Variants in HACD3 observed in about 807,000 individuals in gnomAD.
HACD3 encodes the protein 3-hydroxyacyl-CoA dehydratase 3.
Under a neutral mutation model 55.2 loss-of-function variants are expected in HACD3, and 30 were observed. The observed-to-expected ratio is 0.54, with a 90% CI of 0.41 to 0.74. HACD3 has a LOEUF of 0.74. HACD3 is among the 30% of genes least tolerant of loss of function. The pLI is 0.00. For missense variants in HACD3, 363 were observed against 440.1 expected, an observed-to-expected ratio of 0.82 and a Z score of 1.57; for synonymous variants, 141 against 151.7, an observed-to-expected ratio of 0.93 and a Z score of 0.52.
chr15:65,530,935 G>T (rs1183828103), intron 1 of HACD3: 2 of 520,880 alleles, frequency 3.8e-6, no homozygotes, highest in African/African-American at 2.0e-5. Flanking sequence ...GGAACCTTCG[G>T]GTCCCCAGAG....
intron 1 of HACD3, among the ~76,000 whole-genome samples, chr15:65,539,742 T>C (rs909962471): frequency 6.6e-6 from 1 of 152,160 alleles, no homozygotes; most frequent in Non-Finnish European, 1.5e-5. Flanking sequence ...TAAATTGTGG[T>C]ATATTTATAC....
At chr15:65,555,998 T>C (rs370005334) in intron 3 of HACD3, among the ~76,000 whole-genome samples, 2 of 152,282 alleles carry the variant, frequency 1.3e-5, no homozygotes, top group Admixed American at 1.3e-4. Context: ...TATCCTGATA[T>C]CCTCCTGTAT....
intron 1 of HACD3, among the ~76,000 whole-genome samples, chr15:65,532,424 G>A (rs928154659): frequency 7.9e-5 from 12 of 152,196 alleles, no homozygotes; most frequent in African/African-American, 2.9e-4. Flanking sequence ...TCAGGAGTTC[G>A]ACACCAGCCT....
At chr15:65,551,392 A>G (rs1405022667) in intron 1 of HACD3, among the ~76,000 whole-genome samples, 1 of 152,212 alleles carries the variant, frequency 6.6e-6, no homozygotes, top group Non-Finnish European at 1.5e-5. Flanking sequence ...AGCACCTTGC[A>G]TGACTGGCCA....
At chr15:65,532,286 G>T in intron 1 of HACD3, among the ~76,000 whole-genome samples, 1 of 152,030 alleles carries the variant, frequency 6.6e-6, no homozygotes. Context: ...TGTAGATGGG[G>T]ATCAAAGTCC....
intron 7 of HACD3, chr15:65,566,112 A>T (rs1280444480): frequency 1.3e-5 from 2 of 152,132 alleles, no homozygotes; most frequent in African/African-American, 4.8e-5. Flanking sequence ...ATCTGAGACT[A>T]CCTCAGCCTG....
intron 7 of HACD3, chr15:65,565,366 C>A (rs2072281090): frequency 6.6e-6 from 1 of 152,304 alleles, no homozygotes; most frequent in Admixed American, 6.5e-5. Context: ...CCCCATGTTT[C>A]CCTTCCTCAC....
rs749961093 is a variant in HACD3, at chr15:65,572,318, G to T, written c.964G>T (p.Val322Phe). The T allele has an allele frequency of 1.2e-6, 2 of 1,612,864 alleles. No individual in the cohort carries two copies. The highest frequency in any genetic ancestry group is 1.7e-6 in the Non-Finnish European group (2 of 1,179,642). The change falls in exon 10 of 11, where the codon GTT becomes TTT. Residue 322 changes from valine (V) to phenylalanine (F), a missense_variant. Transcript: ENST00000261875. The stretch of plus-strand genomic sequence containing the variant: ...ATTGCCATATCCAGTGAAAATCAAA[G>T]TTAGATTTTCCTTTTTTCTTCAGAT... ...FTLPYPVKIK[V>F]RFSFFLQIYL...
chr15:65,561,224 T>C (rs945750344), intron 5 of HACD3, among the ~76,000 whole-genome samples: 1 of 152,152 alleles, frequency 6.6e-6, no homozygotes, highest in Non-Finnish European at 1.5e-5. Context: ...CCCAGCACTT[T>C]GGGAGGCCAA....
chr15:65,556,369 T>C (rs1268744273), intron 3 of HACD3, among the ~76,000 whole-genome samples: 2 of 152,322 alleles, frequency 1.3e-5, no homozygotes, highest in East Asian at 3.9e-4. Context: ...ATTCCTTGCA[T>C]GCACAATTCA....
chr15:65,562,600 T>G (rs1229189461), intron 5 of HACD3, among the ~76,000 whole-genome samples, 174 bp from the exon 6 acceptor site: 1 of 152,168 alleles, frequency 6.6e-6, no homozygotes, highest in Admixed American at 6.5e-5. Context: ...CCTTGTATGT[T>G]TCTCTGTGGG....
At chr15:65,576,213 A>T (rs1446247783) in intron 10 of HACD3, 90 bp from the exon 11 acceptor site, 1 of 1,510,906 alleles carries the variant, frequency 6.6e-7, no homozygotes, top group Non-Finnish European at 8.8e-7. Context: ...GTGGAATATG[A>T]CGACAGCTAG....
At chr15:65,568,244 C>T (rs1368589770) in intron 7 of HACD3, among the ~76,000 whole-genome samples, 1 of 151,416 alleles carries the variant, frequency 6.6e-6, no homozygotes, top group Admixed American at 6.6e-5. Flanking sequence ...TTCTATTTTA[C>T]AAGATGAAAA....
rs185805752 is a variant in HACD3, at chr15:65,564,350, A to G, written c.660+8A>G. On this transcript the variant is annotated splice_region_variant and intron_variant, in intron 7 of 10. Coordinates refer to ENST00000261875, the MANE Select transcript of HACD3 (RefSeq NM_016395.4). Reference sequence around the variant, plus strand: ...CTGCCTTCTCTGATCCAGGTATTGAATAGTTAAGCTGAAGGGTGGGTAATG... The same window carrying G: ...CTGCCTTCTCTGATCCAGGTATTGAGTAGTTAAGCTGAAGGGTGGGTAATG... The G allele has an allele frequency of 2.9e-5, 46 of 1,611,028 alleles. No individual in the cohort carries two copies. In the East Asian group the frequency reaches 8.7e-4, roughly 30 times the overall value.
In HACD3 at chr15:65,553,066, C is replaced by T. The variant is rs992535867; in HGVS notation, c.130+1348C>T. The T allele has an allele frequency of 1.7e-4, 26 of 152,092 alleles. 1 individual carries two copies. Among genetic ancestry groups the T allele is most frequent in the African/African-American group, 6.0e-4 (25 of 41,362 alleles). The allele number at this position is 152,092 out of a possible 1,614,324, so 9.4% of individuals were successfully genotyped here. On this transcript the variant is annotated intron_variant, in intron 2 of 10. Transcript: ENST00000261875. The stretch of plus-strand genomic sequence containing the variant: ...CATAGTATTCCATGGTGTATATGTG[C>T]CACATTTTCTTAATAAAAATATGGA...
intron 7 of HACD3, among the ~76,000 whole-genome samples, chr15:65,568,758 A>G (rs991338471): frequency 7.2e-5 from 11 of 152,228 alleles, no homozygotes; most frequent in African/African-American, 2.4e-4. Flanking sequence ...GACTTACCCT[A>G]TAAAAAATCA....
chr15:65,574,378 G>C (rs915655909), intron 10 of HACD3: 7 of 152,328 alleles, frequency 4.6e-5, no homozygotes, highest in Admixed American at 2.6e-4. Flanking sequence ...TGGTTAGAGA[G>C]AGAGAGCCCG....
chr15:65,557,544 T>C (rs1478321439), intron 4 of HACD3, among the ~76,000 whole-genome samples: 1 of 152,154 alleles, frequency 6.6e-6, no homozygotes, highest in Non-Finnish European at 1.5e-5. Flanking sequence ...TTAGCTGGCT[T>C]GAGGTGACGC....
Position 65,545,733 on chromosome 15 carries a change from C to T in HACD3, c.88-5943C>T, listed in dbSNP as rs564129878. Among the ~76,000 whole-genome samples the T allele has an allele frequency of 2.1e-5, 3 of 142,390 alleles. No homozygotes were observed. In the East Asian group the frequency reaches 6.3e-4, roughly 30 times the overall value. 93.4% of individuals were successfully genotyped at this position (142,390 alleles called of 152,430 possible). ...CCTCCCAAAGTGCTGGGATTACAGG[C>T]GTGAGCCACCCGTGGCCGATTCTGG... On this transcript the variant is annotated intron_variant, in intron 1 of 10. Transcript: ENST00000261875.
Sources: gnomAD v4.1 joint callset for allele counts (sites outside exome capture counted in the v4.1 genomes callset) on GRCh38, gnomAD v4.1.1 for gene constraint, MANE v1.5 for transcripts, NCBI Gene and HGNC (gene_info 2026-07-23, HGNC 2026-07-21) for gene names.